The following EPHA6 variants were observed in gnomAD, a reference collection of about 807,000 sequenced individuals.
EPHA6 encodes ephrin type-A receptor 6.
EPHA6 carries 50 observed loss-of-function variants against 112.0 expected under a neutral mutation model. The observed-to-expected ratio is 0.45, with a 90% CI of 0.36 to 0.56. The LOEUF (loss-of-function observed/expected upper bound fraction) is 0.56, where lower values mean the gene tolerates loss of function less well. EPHA6 is among the 20% of genes least tolerant of loss of function. EPHA6 has a pLI of 0.00. For missense variants in EPHA6, 1,280 were observed against 1,417.4 expected (o/e 0.90, Z 1.56); for synonymous variants, 529 against 490.7 (o/e 1.08, Z -1.03).
At chr3:97,340,206 G>T (rs945142559) in intron 5 of EPHA6, among the ~76,000 whole-genome samples, 1 of 152,126 alleles carries the variant, frequency 6.6e-6, no homozygotes, top group Non-Finnish European at 1.5e-5. Flanking sequence ...TTTTCAGGCA[G>T]TTCTTGACCA....
chr3:96,994,759 A>AGAGCGC (rs1553684577), intron 3 of EPHA6, among the ~76,000 whole-genome samples: 1 of 116,214 alleles, frequency 8.6e-6, no homozygotes, highest in Non-Finnish European at 1.8e-5. Context: ...AGAGAGAGAG[A>AGAGCGC]GAGCTATATA....
chr3:97,071,124 C>G (rs2046340428), intron 3 of EPHA6, among the ~76,000 whole-genome samples: 1 of 151,976 alleles, frequency 6.6e-6, no homozygotes, highest in Non-Finnish European at 1.5e-5. Context: ...AAGCCAATGT[C>G]ATGGTTTTTC....
In EPHA6 at chr3:97,409,093, T is replaced by C. The variant is rs1309058312; in HGVS notation, c.1731+3819T>C. Among the ~76,000 whole-genome samples, 5 of 152,080 alleles carry C rather than the reference T, an allele frequency of 3.3e-5. No homozygotes were observed. The East Asian group carries it at 9.7e-4, about 29-fold the overall frequency. ...AGAAATGATGCAGCCACTGTAAAAT[T>C]ACCTCTAACAAGTTTTTTAAAGGCA... is the stretch of plus-strand genomic sequence containing the variant. On this transcript the variant is annotated intron_variant, in intron 6 of 17. Transcript: ENST00000389672.
intron 5 of EPHA6, among the ~76,000 whole-genome samples, chr3:97,281,619 C>T (rs984063889): frequency 1.3e-5 from 2 of 152,072 alleles, no homozygotes; most frequent in African/African-American, 4.8e-5. Context: ...GAAAATCACA[C>T]ATGAAATCAA....
At position 97,244,117 on chromosome 3, in the gene EPHA6, G is replaced by A; in HGVS notation, c.1436G>A (p.Gly479Glu). 6.2e-7 allele frequency: 1 copy of A among 1,613,026 alleles called. No homozygotes were observed. Among genetic ancestry groups the A allele is most frequent in the South Asian group, 1.1e-5 (1 of 91,052 alleles). Reference protein sequence around the residue: ...DTSQCEDCGGGLRFIPRHTGL... With the variant: ...DTSQCEDCGGELRFIPRHTGL... ...AGCCAGTGTGAGGACTGTGGTGGAG[G>A]ACTCCGCTTCATCCCAAGACATACA... The change falls in exon 5 of 18, where the codon GGA (glycine) becomes GAA (glutamate). Residue 479 changes from glycine (G) to glutamate (E), a missense_variant. Physicochemically the swap from Gly to Glu is moderately conservative, Grantham distance 98. Around this residue, in one of 4 missense-constraint regions of EPHA6, gnomAD observed 878 missense variants for 999.7 expected, o/e 0.88. Coordinates refer to ENST00000389672, the MANE Select transcript of EPHA6 (RefSeq NM_001080448.3).
At chr3:97,358,434 G>C (rs1299644886) in intron 5 of EPHA6, among the ~76,000 whole-genome samples, 2 of 151,858 alleles carry the variant, frequency 1.3e-5, no homozygotes, top group Non-Finnish European at 2.9e-5. Flanking sequence ...CAAAATTAAA[G>C]TGATAATTGT....
intron 2 of EPHA6, among the ~76,000 whole-genome samples, chr3:96,872,977 T>C (rs1692298359): frequency 6.6e-6 from 1 of 152,054 alleles, no homozygotes; most frequent in Non-Finnish European, 1.5e-5. Flanking sequence ...CCATTTGATA[T>C]TCCCATTACA....
chr3:97,126,225 AC>A (rs2048178373), intron 3 of EPHA6, among the ~76,000 whole-genome samples: 1 of 152,120 alleles, frequency 6.6e-6, no homozygotes, highest in Non-Finnish European at 1.5e-5. Context: ...GGCCATATTA[AC>A]AAGTTGTTAC....
At chr3:97,161,631 G>A (rs566934382) in intron 3 of EPHA6, among the ~76,000 whole-genome samples, 14 of 151,938 alleles carry the variant, frequency 9.2e-5, no homozygotes, top group African/African-American at 2.2e-4. Context: ...TTTTCCTGGC[G>A]GCAGGAGAGG....
At chr3:96,904,157 C>T (rs982728360) in intron 2 of EPHA6, among the ~76,000 whole-genome samples, 7 of 152,016 alleles carry the variant, frequency 4.6e-5, no homozygotes, top group Admixed American at 2.0e-4. Flanking sequence ...CACATGCACA[C>T]GTATGTTTAT....
chr3:97,507,460 T>A lies in EPHA6; in HGVS notation c.2200+23401T>A, dbSNP rs188860744. 6.5e-3 allele frequency among the ~76,000 whole-genome samples: 995 copies of A among 152,298 alleles called. 12 individuals are homozygous for A. Among genetic ancestry groups the A allele is most frequent in the African/African-American group, 0.022 (915 of 41,568 alleles). ...TCATTGGTTTTGTTTATGTGATGGA[T>A]TATATTTTTTGATTTGCATATATTA... On this transcript the variant is annotated intron_variant, in intron 10 of 17. Transcript: ENST00000389672.
intron 2 of EPHA6, among the ~76,000 whole-genome samples, chr3:96,878,948 G>A (rs1220987811): frequency 1.3e-5 from 2 of 151,954 alleles, no homozygotes; most frequent in Non-Finnish European, 2.9e-5. Context: ...TATCACTTAA[G>A]TGAAAACTGA....
intron 14 of EPHA6, among the ~76,000 whole-genome samples, chr3:97,689,843 TTC>T (rs1485070426): frequency 6.6e-6 from 1 of 152,172 alleles, no homozygotes; most frequent in Non-Finnish European, 1.5e-5. Flanking sequence ...CTACAAATCT[TTC>T]TGTGTTTTCT....
chr3:97,720,145 T>C (rs1385424956), intron 14 of EPHA6, 116 bp from the exon 15 acceptor site: 1 of 784,348 alleles, frequency 1.3e-6, no homozygotes, highest in Admixed American at 3.6e-5. Flanking sequence ...TAATTTAAAA[T>C]GCCAGTGCTA....
In EPHA6 at chr3:97,756,924, T is replaced by C. The variant is rs760666127; in HGVS notation, c.*8223T>C. 6.6e-6 allele frequency among the ~76,000 whole-genome samples: 1 copy of C among 151,918 alleles called. No individual in the cohort carries two copies. The highest frequency in any genetic ancestry group is 2.4e-5 in the African/African-American group (1 of 41,452). On this transcript the variant is annotated 3_prime_UTR_variant, in exon 18 of 18. Transcript: ENST00000389672. Reference sequence around the variant, plus strand: ...ATAAATATCTTTGGGATATTTTACATAATCATACTTATTTTTAATTTTGTG... The same window carrying C: ...ATAAATATCTTTGGGATATTTTACACAATCATACTTATTTTTAATTTTGTG...
chr3:97,070,081 T>A (rs1253886822), intron 3 of EPHA6, among the ~76,000 whole-genome samples: 1 of 152,102 alleles, frequency 6.6e-6, no homozygotes, highest in Non-Finnish European at 1.5e-5. Context: ...AGGAAAAGCT[T>A]CCTCGATGCT....
chr3:97,680,529 T>C (rs1004648108), intron 14 of EPHA6, among the ~76,000 whole-genome samples: 4 of 152,206 alleles, frequency 2.6e-5, no homozygotes, highest in African/African-American at 9.6e-5. Context: ...AATGAATCAC[T>C]CAACAAATGT....
chr3:96,932,430 A>G (rs1214418860), intron 2 of EPHA6, among the ~76,000 whole-genome samples: 2 of 152,080 alleles, frequency 1.3e-5, no homozygotes, highest in Admixed American at 1.3e-4. Context: ...TACCTTTTAC[A>G]TTTACTTTAC....
chr3:97,284,333 T>C (rs539566493), intron 5 of EPHA6, among the ~76,000 whole-genome samples: 36 of 152,278 alleles, frequency 2.4e-4, no homozygotes, highest in Middle Eastern at 3.4e-3. Flanking sequence ...TTTTTTCCTT[T>C]TTTATGCAAA....
Sources: allele counts gnomAD v4.1 joint callset (sites outside exome capture counted in the v4.1 genomes callset), GRCh38; gene constraint gnomAD v4.1.1; regional missense constraint gnomAD v4.1.1; transcripts MANE v1.5; gene names NCBI Gene and HGNC (gene_info 2026-07-23, HGNC 2026-07-21).